Variants in KATNIP observed in about 807,000 individuals in gnomAD.
KATNIP encodes katanin-interacting protein.
A neutral mutation model predicts 174.0 loss-of-function variants in KATNIP; 126 were observed. The ratio of observed to expected loss-of-function variants is 0.72; its 90% CI spans 0.63 to 0.84. The LOEUF is 0.84. KATNIP is among the 40% of genes least tolerant of loss of function. The probability of loss-of-function intolerance (pLI) is 0.00; values close to 1 mark genes in which losing one functional copy is unlikely to be tolerated. For synonymous variants in KATNIP, 810 were observed against 835.7 expected, an observed-to-expected ratio of 0.97 and a Z score of 0.53; for missense variants, 1,958 against 2,109.7, an observed-to-expected ratio of 0.93 and a Z score of 1.41.
At chr16:27,774,313 A>G (rs2082415411) in intron 23 of KATNIP, among the ~76,000 whole-genome samples, 1 of 152,128 alleles carries the variant, frequency 6.6e-6, no homozygotes. Context: ...CATTGATTTT[A>G]CCAAAGTGCT....
chr16:27,713,047 A>G (rs1177441551), intron 13 of KATNIP, among the ~76,000 whole-genome samples: 2 of 152,088 alleles, frequency 1.3e-5, no homozygotes, highest in Non-Finnish European at 2.9e-5. Flanking sequence ...GCCTCAAGCA[A>G]TCCTCCTGCC....
intron 1 of KATNIP, among the ~76,000 whole-genome samples, chr16:27,553,160 T>TTGG (rs2089464584): frequency 1.3e-5 from 2 of 152,254 alleles, no homozygotes; most frequent in African/African-American, 4.8e-5. Context: ...TTAGAAAATG[T>TTGG]TGGTTCAGTG....
chr16:27,692,007 A>T (rs77503616), intron 8 of KATNIP, among the ~76,000 whole-genome samples: 1 of 152,212 alleles, frequency 6.6e-6, no homozygotes, highest in African/African-American at 2.4e-5. Context: ...CCCCAGACTG[A>T]TGAGGCATAA....
chr16:27,706,130 G>A (rs1355939291), intron 12 of KATNIP, among the ~76,000 whole-genome samples: 1 of 150,470 alleles, frequency 6.6e-6, no homozygotes, highest in African/African-American at 2.5e-5. Context: ...TTTCCCCTCT[G>A]TCTGCACAGT....
chr16:27,650,043 T>C (rs1248942289), intron 6 of KATNIP, among the ~76,000 whole-genome samples: 1 of 151,990 alleles, frequency 6.6e-6, no homozygotes, highest in Admixed American at 6.6e-5. Context: ...CGTGGTGGTG[T>C]GCGCCTATAA....
chr16:27,715,870 G>C (rs1037734768), intron 13 of KATNIP, among the ~76,000 whole-genome samples: 1 of 151,926 alleles, frequency 6.6e-6, no homozygotes, highest in Non-Finnish European at 1.5e-5. Context: ...AGCCCCTGTG[G>C]AAAACAGCTT....
intron 8 of KATNIP, among the ~76,000 whole-genome samples, chr16:27,692,054 A>T (rs572941364): frequency 6.6e-6 from 1 of 152,338 alleles, no homozygotes; most frequent in East Asian, 1.9e-4. Flanking sequence ...GGCAGTAAAA[A>T]GATAAGGGTC....
At chr16:27,737,199 G>T (rs2080928197) in intron 14 of KATNIP, among the ~76,000 whole-genome samples, 2 of 152,050 alleles carry the variant, frequency 1.3e-5, no homozygotes, top group Non-Finnish European at 2.9e-5. Flanking sequence ...ACAACATAGT[G>T]AGACCCCGTC....
rs571768128 is a variant in KATNIP, at chr16:27,765,822, A to T, written c.3810-487A>T. On this transcript the variant is annotated intron_variant, in intron 19 of 27. Coordinates refer to ENST00000261588, the MANE Select transcript of KATNIP (RefSeq NM_015202.5). ...GTGACTGCAGTGTCCTCATGATGGC[A>T]CCTTAACCCCTGTGAAATTTACTTA... Among the ~76,000 whole-genome samples, 125 of 152,234 alleles carry T rather than the reference A, an allele frequency of 8.2e-4. 1 individual carries two copies. The highest frequency in any genetic ancestry group is 3.0e-3 in the African/African-American group (124 of 41,530).
intron 2 of KATNIP, among the ~76,000 whole-genome samples, chr16:27,608,832 T>C (rs1017903703): frequency 2.6e-5 from 4 of 152,184 alleles, no homozygotes; most frequent in African/African-American, 4.8e-5. Context: ...CCTTCCGCTG[T>C]AGGTCACTTG....
At chr16:27,684,977 C>T (rs2078472326) in intron 8 of KATNIP, among the ~76,000 whole-genome samples, 1 of 152,222 alleles carries the variant, frequency 6.6e-6, no homozygotes. Context: ...TATATGCTTT[C>T]ATGTCTAGCA....
chr16:27,561,852 G>A (rs1283250586), intron 1 of KATNIP, among the ~76,000 whole-genome samples: 4 of 152,188 alleles, frequency 2.6e-5, no homozygotes, highest in South Asian at 2.1e-4. Context: ...TCTTAGAACC[G>A]TGAAGTTCCC....
chr16:27,695,654 G>C (rs1002442461), intron 8 of KATNIP, among the ~76,000 whole-genome samples: 2 of 152,226 alleles, frequency 1.3e-5, no homozygotes, highest in African/African-American at 4.8e-5. Context: ...GGTCACTGCT[G>C]TGTCGCCAGT....
rs544058607 is a variant in KATNIP, at chr16:27,640,509, G to A, written c.409-8095G>A. On this transcript the variant is annotated intron_variant, in intron 5 of 27. Transcript: ENST00000261588. ...CAGAGGAGCCTCCCTGGGGCTGGGGGCGGGAGAGCAGGCCAGATGGAGGGA... is the reference window on the plus strand; with the variant it reads ...CAGAGGAGCCTCCCTGGGGCTGGGGACGGGAGAGCAGGCCAGATGGAGGGA... Among the ~76,000 whole-genome samples, 3 of 152,222 alleles carry A rather than the reference G, an allele frequency of 2.0e-5. No individual in the cohort carries two copies. The South Asian group carries it at 6.2e-4, about 32-fold the overall frequency.
At chr16:27,613,232 C>CCA (rs1243672513) in intron 2 of KATNIP, among the ~76,000 whole-genome samples, 2 of 152,196 alleles carry the variant, frequency 1.3e-5, no homozygotes, top group African/African-American at 4.8e-5. Flanking sequence ...CGAAATCGCA[C>CCA]CACTGCACTC....
rs140250410 is a variant in KATNIP, at chr16:27,671,026, T to C, written c.541-6703T>C. ...AGCCAATGTGGGGAAACTCCATCTCTACTAAAAATACAAAAAATTACTCAG... is the reference window on the plus strand; with the variant it reads ...AGCCAATGTGGGGAAACTCCATCTCCACTAAAAATACAAAAAATTACTCAG... On this transcript the variant is annotated intron_variant, in intron 6 of 27. Transcript: ENST00000261588. 3.1e-3 allele frequency among the ~76,000 whole-genome samples: 465 copies of C among 152,092 alleles called. 2 individuals are homozygous for C. The highest frequency in any genetic ancestry group is 5.0e-3 in the Admixed American group (76 of 15,288).
intron 18 of KATNIP, among the ~76,000 whole-genome samples, chr16:27,756,608 C>T (rs1321742730): frequency 6.6e-6 from 1 of 152,202 alleles, no homozygotes; most frequent in East Asian, 1.9e-4. Flanking sequence ...AGCCTGTGTG[C>T]AAGAGTCAGT....
At chr16:27,594,480 C>T (rs538553019) in intron 2 of KATNIP, among the ~76,000 whole-genome samples, 7 of 152,050 alleles carry the variant, frequency 4.6e-5, no homozygotes, top group South Asian at 4.1e-4. Flanking sequence ...GATTCCTGGT[C>T]GGTTTACTTA....
chr16:27,742,753 G>GTCA (rs2081155588), intron 15 of KATNIP, among the ~76,000 whole-genome samples: 1 of 152,214 alleles, frequency 6.6e-6, no homozygotes, highest in South Asian at 2.1e-4. Flanking sequence ...TAGCTGTTCT[G>GTCA]TCATCATCAT....
Sources: allele counts gnomAD v4.1 joint callset (sites outside exome capture counted in the v4.1 genomes callset), GRCh38; gene constraint gnomAD v4.1.1; transcripts MANE v1.5; gene names NCBI Gene and HGNC (gene_info 2026-07-23, HGNC 2026-07-21).